The following ZMYND11 variants were observed in gnomAD, a reference collection of about 807,000 sequenced individuals.
The protein encoded by ZMYND11 is zinc finger MYND domain-containing protein 11.
ZMYND11 carries 9 observed loss-of-function variants against 84.9 expected under a neutral mutation model. The ratio of observed to expected loss-of-function variants is 0.11; its 90% CI spans 0.06 to 0.18. The LOEUF is 0.18. ZMYND11 is among the 10% of genes least tolerant of loss of function. The pLI, the probability that ZMYND11 is intolerant of heterozygous loss-of-function variation, is 1.00. For missense variants in ZMYND11, 409 were observed against 761.0 expected (o/e 0.54, Z 5.44); for synonymous variants, 250 against 244.1 (o/e 1.02, Z -0.23).
chr10:164,525 T>C (rs1442672563), intron 1 of ZMYND11, among the ~76,000 whole-genome samples: 1 of 152,150 alleles, frequency 6.6e-6, no homozygotes, highest in Non-Finnish European at 1.5e-5. Flanking sequence ...CAATTGGGGA[T>C]TGCCATTACC....
chr10:137,568 A>G (rs1836406729), intron 1 of ZMYND11, among the ~76,000 whole-genome samples: 1 of 152,162 alleles, frequency 6.6e-6, no homozygotes, highest in African/African-American at 2.4e-5. Flanking sequence ...GTTGATTTTA[A>G]TTAATGGTTG....
intron 3 of ZMYND11, among the ~76,000 whole-genome samples, chr10:215,662 A>G (rs1321317604): frequency 6.6e-6 from 1 of 151,624 alleles, no homozygotes; most frequent in Non-Finnish European, 1.5e-5. Context: ...GCCTCAAGCA[A>G]TCCTCCTGCC....
At chr10:152,568 C>G (rs1374946153) in intron 1 of ZMYND11, among the ~76,000 whole-genome samples, 2 of 152,122 alleles carry the variant, frequency 1.3e-5, no homozygotes, top group African/African-American at 2.4e-5. Flanking sequence ...AAAGCAAGTC[C>G]TTAGAGACCT....
chr10:192,984 C>G (rs1940833641), intron 2 of ZMYND11, among the ~76,000 whole-genome samples: 1 of 152,142 alleles, frequency 6.6e-6, no homozygotes, highest in Non-Finnish European at 1.5e-5. Context: ...ATTCTGTCAT[C>G]TGTTTATTTA....
intron 1 of ZMYND11, among the ~76,000 whole-genome samples, chr10:157,353 C>T (rs1215420975): frequency 6.6e-6 from 1 of 152,100 alleles, no homozygotes; most frequent in Non-Finnish European, 1.5e-5. Context: ...GTGCATGCCA[C>T]CACACTTGGC....
At chr10:222,753 T>G (rs998730341) in intron 4 of ZMYND11, among the ~76,000 whole-genome samples, 3 of 151,982 alleles carry the variant, frequency 2.0e-5, no homozygotes, top group Admixed American at 6.6e-5. Flanking sequence ...GATCCTAATA[T>G]GGATGCAGGA....
intron 10 of ZMYND11, 99 bp downstream of exon 10, chr10:242,238 A>T: frequency 6.7e-7 from 1 of 1,484,404 alleles, no homozygotes; most frequent in Non-Finnish European, 9.0e-7. Flanking sequence ...AGTTTATTTT[A>T]AATTGGAAAA....
intron 1 of ZMYND11, among the ~76,000 whole-genome samples, chr10:159,066 T>C (rs933224311): frequency 1.4e-5 from 2 of 147,652 alleles, no homozygotes; most frequent in South Asian, 4.4e-4. Flanking sequence ...AACTTTTTAA[T>C]GTTGAAGTCC....
At chr10:167,886 A>G (rs1554764432) in intron 1 of ZMYND11, among the ~76,000 whole-genome samples, 1 of 152,136 alleles carries the variant, frequency 6.6e-6, no homozygotes, top group South Asian at 2.1e-4. Flanking sequence ...GTGTATTTAA[A>G]TGCATTTATA....
rs1371129326 is a variant in ZMYND11 at position 246,746 on chromosome 10, C to T, written c.951-20C>T. The T allele has an allele frequency of 6.2e-7, 1 of 1,611,966 alleles. No individual in the cohort carries two copies. The highest frequency in any genetic ancestry group is 8.5e-7 in the Non-Finnish European group (1 of 1,178,354). On this transcript the variant is annotated intron_variant, in intron 10 of 14. Coordinates refer to ENST00000381604, the MANE Select transcript of ZMYND11 (RefSeq NM_001370100.5). ...GCCATTTGGGATGTTTCTAACTATA[C>T]CTTTATGTGTTTTTCCTAGGGCCTG... is the stretch of plus-strand genomic sequence containing the variant.
chr10:131,758 C>G (rs1017223374), upstream of ZMYND11, among the ~76,000 whole-genome samples: 14 of 151,910 alleles, frequency 9.2e-5, no homozygotes, highest in Non-Finnish European at 1.8e-4. Flanking sequence ...GAACTCCTGG[C>G]CCCAAGTGTA....
chr10:200,534 C>G (rs1024248601), intron 2 of ZMYND11, among the ~76,000 whole-genome samples: 4 of 151,602 alleles, frequency 2.6e-5, no homozygotes, highest in African/African-American at 9.7e-5. Flanking sequence ...ACCTTGGCCT[C>G]CCAAAGTGCT....
intron 1 of ZMYND11, among the ~76,000 whole-genome samples, chr10:179,777 T>G (rs1313289327): frequency 6.6e-6 from 1 of 152,192 alleles, no homozygotes; most frequent in Non-Finnish European, 1.5e-5. Flanking sequence ...TTTTAACTTT[T>G]TGGCTTTTAG....
intron 3 of ZMYND11, among the ~76,000 whole-genome samples, 183 bp downstream of exon 3, chr10:210,231 C>G (rs901031380): frequency 2.0e-5 from 3 of 152,190 alleles, no homozygotes; most frequent in South Asian, 4.1e-4. Flanking sequence ...GGAGATGACT[C>G]ACTTTTACAA....
chr10:130,231 C>A (rs1018342391), upstream of ZMYND11, among the ~76,000 whole-genome samples: 1 of 152,096 alleles, frequency 6.6e-6, no homozygotes, highest in Non-Finnish European at 1.5e-5. Context: ...TCATCTGGAG[C>A]TAAAGATCAA....
intron 2 of ZMYND11, among the ~76,000 whole-genome samples, chr10:205,157 T>G (rs1943909152): frequency 6.6e-6 from 1 of 152,200 alleles, no homozygotes; most frequent in South Asian, 2.1e-4. Context: ...ATTTATTTCT[T>G]TGGAAATTGG....
chr10:233,238 A>T (rs141120694), intron 4 of ZMYND11, among the ~76,000 whole-genome samples: 2 of 152,106 alleles, frequency 1.3e-5, no homozygotes, highest in African/African-American at 2.4e-5. Flanking sequence ...TCACACATAC[A>T]CTGACATGCA....
chr10:131,352 G>A (rs1835308990), upstream of ZMYND11, among the ~76,000 whole-genome samples: 1 of 152,186 alleles, frequency 6.6e-6, no homozygotes, highest in Non-Finnish European at 1.5e-5. Context: ...CTGAATTTCA[G>A]AAGCCACAGC....
At chr10:207,131 T>G (rs1334749236) in intron 2 of ZMYND11, among the ~76,000 whole-genome samples, 1 of 152,158 alleles carries the variant, frequency 6.6e-6, no homozygotes, top group African/African-American at 2.4e-5. Flanking sequence ...GAATGATGAT[T>G]TCCAATTTCA....
Sources: gnomAD v4.1 joint callset for allele counts (sites outside exome capture counted in the v4.1 genomes callset) on GRCh38, gnomAD v4.1.1 for gene constraint, MANE v1.5 for transcripts, NCBI Gene and HGNC (gene_info 2026-07-23, HGNC 2026-07-21) for gene names.